SLC25A21: variants seen among roughly 807,000 people sequenced by gnomAD.
The protein encoded by SLC25A21 is mitochondrial 2-oxodicarboxylate carrier.
A neutral mutation model predicts 43.8 loss-of-function variants in SLC25A21; 47 were observed. The observed-to-expected ratio is 1.07, with a 90% CI of 0.85 to 1.37. The LOEUF (loss-of-function observed/expected upper bound fraction) is 1.37, where lower values mean the gene tolerates loss of function less well. Ranked by LOEUF, SLC25A21 falls within the 40% of genes most tolerant of loss-of-function variation. The pLI, the probability that SLC25A21 is intolerant of heterozygous loss-of-function variation, is 0.00. For synonymous variants in SLC25A21, 131 were observed against 121.3 expected (o/e 1.08, Z -0.52); for missense variants, 352 against 350.2 (o/e 1.00, Z -0.04).
intron 1 of SLC25A21, among the ~76,000 whole-genome samples, chr14:36,881,654 G>C (rs1030466960): frequency 1.3e-5 from 2 of 152,090 alleles, no homozygotes; most frequent in African/African-American, 2.4e-5. Context: ...TAACTACATA[G>C]ACGGACTGAT....
At chr14:37,052,692 G>A (rs145060670) in intron 1 of SLC25A21, among the ~76,000 whole-genome samples, 204 of 151,636 alleles carry the variant, frequency 1.3e-3, no homozygotes, top group African/African-American at 4.7e-3. Flanking sequence ...AGACTGGAGT[G>A]CAGTAGCGCA....
At chr14:36,760,761 G>A (rs564436668) in intron 3 of SLC25A21, among the ~76,000 whole-genome samples, 5 of 152,214 alleles carry the variant, frequency 3.3e-5, no homozygotes, top group African/African-American at 9.6e-5. Context: ...GAATGCCAGC[G>A]TGCGTGTTTA....
At chr14:36,946,534 T>C (rs1892683242) in intron 1 of SLC25A21, among the ~76,000 whole-genome samples, 1 of 152,218 alleles carries the variant, frequency 6.6e-6, no homozygotes, top group Non-Finnish European at 1.5e-5. Context: ...TTCAATGGCA[T>C]TAACATGTGC....
At chr14:36,722,337 T>C (rs911619173) in intron 6 of SLC25A21, among the ~76,000 whole-genome samples, 1 of 152,204 alleles carries the variant, frequency 6.6e-6, no homozygotes, top group Non-Finnish European at 1.5e-5. Flanking sequence ...AATTACTCTG[T>C]ATGATACTAT....
At chr14:36,716,726 G>A (rs904769536) in intron 6 of SLC25A21, among the ~76,000 whole-genome samples, 4 of 152,050 alleles carry the variant, frequency 2.6e-5, no homozygotes, top group African/African-American at 4.8e-5. Flanking sequence ...GACTACTGAC[G>A]ATACCTGGCT....
At chr14:36,963,739 G>A (rs140446778) in intron 1 of SLC25A21, among the ~76,000 whole-genome samples, 11 of 152,214 alleles carry the variant, frequency 7.2e-5, no homozygotes, top group African/African-American at 2.6e-4. Flanking sequence ...CCTGCTCAAC[G>A]AGTGCCAGGA....
intron 3 of SLC25A21, among the ~76,000 whole-genome samples, chr14:36,737,741 A>C (rs1594538650): frequency 2.0e-5 from 3 of 152,260 alleles, no homozygotes; most frequent in African/African-American, 7.2e-5. Flanking sequence ...TAACATATAA[A>C]ACTAGGATTT....
intron 1 of SLC25A21, among the ~76,000 whole-genome samples, chr14:36,933,666 A>G (rs1388528056): frequency 6.6e-6 from 1 of 152,170 alleles, no homozygotes; most frequent in African/African-American, 2.4e-5. Flanking sequence ...CCTCCACATC[A>G]GAACTCTCTC....
intron 1 of SLC25A21, among the ~76,000 whole-genome samples, chr14:37,062,990 A>C (rs1208218206): frequency 6.6e-6 from 1 of 152,206 alleles, no homozygotes; most frequent in Non-Finnish European, 1.5e-5. Context: ...GGGAGGCCTA[A>C]GGAAACTTAA....
intron 1 of SLC25A21, among the ~76,000 whole-genome samples, chr14:37,120,094 AT>A (rs1375032229): frequency 4.6e-5 from 7 of 152,198 alleles, no homozygotes; most frequent in Non-Finnish European, 8.8e-5. Flanking sequence ...TAATCATAAT[AT>A]TTTTATACCT....
intron 1 of SLC25A21, among the ~76,000 whole-genome samples, chr14:37,102,369 G>A (rs1404070977): frequency 6.6e-6 from 1 of 151,934 alleles, no homozygotes; most frequent in Admixed American, 6.6e-5. Flanking sequence ...CTTGAACCAG[G>A]GAGGTGGAGG....
intron 1 of SLC25A21, among the ~76,000 whole-genome samples, chr14:36,942,973 G>A (rs959510787): frequency 2.0e-5 from 3 of 152,126 alleles, no homozygotes; most frequent in Non-Finnish European, 2.9e-5. Flanking sequence ...TTGGGACTGG[G>A]GAAGGTATGG....
chr14:37,078,218 A>G (rs1216917275), intron 1 of SLC25A21, among the ~76,000 whole-genome samples: 1 of 152,138 alleles, frequency 6.6e-6, no homozygotes, highest in Admixed American at 6.5e-5. Flanking sequence ...AAGAGGAAAA[A>G]AAGAAAAATA....
chr14:36,822,008 A>T (rs922848906), intron 2 of SLC25A21, among the ~76,000 whole-genome samples: 2 of 152,216 alleles, frequency 1.3e-5, no homozygotes, highest in Non-Finnish European at 2.9e-5. Flanking sequence ...TACAAGGAAC[A>T]AGGTTAAGGG....
chr14:37,061,122 A>G (rs1961939338), intron 1 of SLC25A21, among the ~76,000 whole-genome samples: 1 of 152,110 alleles, frequency 6.6e-6, no homozygotes, highest in Non-Finnish European at 1.5e-5. Context: ...GGAGATTCTT[A>G]TGGTAACAGT....
intron 4 of SLC25A21, among the ~76,000 whole-genome samples, chr14:36,732,878 CAT>C (rs1884885488): frequency 6.6e-6 from 1 of 152,140 alleles, no homozygotes; most frequent in African/African-American, 2.4e-5. Flanking sequence ...ACAAACTTAC[CAT>C]ATGTCTCAAT....
intron 6 of SLC25A21, among the ~76,000 whole-genome samples, chr14:36,718,592 TAA>T (rs1261254589): frequency 7.2e-5 from 11 of 152,192 alleles, no homozygotes; most frequent in Non-Finnish European, 1.3e-4. Flanking sequence ...CTATGTAATA[TAA>T]GTTTAAACAT....
chr14:36,986,599 A>G (rs946138155), intron 1 of SLC25A21, among the ~76,000 whole-genome samples: 1 of 152,140 alleles, frequency 6.6e-6, no homozygotes, highest in Non-Finnish European at 1.5e-5. Flanking sequence ...AGAGGATCTT[A>G]GTTAATCCAG....
At chr14:36,989,840 C>T (rs929455920) in intron 1 of SLC25A21, among the ~76,000 whole-genome samples, 7 of 152,030 alleles carry the variant, frequency 4.6e-5, no homozygotes, top group African/African-American at 1.4e-4. Context: ...TTGTAATTGA[C>T]TCTCTACTGG....
Sources: allele counts gnomAD v4.1 joint callset (sites outside exome capture counted in the v4.1 genomes callset), GRCh38; gene constraint gnomAD v4.1.1; transcripts MANE v1.5; gene names NCBI Gene and HGNC (gene_info 2026-07-23, HGNC 2026-07-21).